Variants in CDH23 observed in about 807,000 individuals in gnomAD.
The protein encoded by CDH23 is cadherin related 23.
CDH23 carries 189 observed loss-of-function variants against 317.1 expected under a neutral mutation model. The ratio of observed to expected loss-of-function variants is 0.60; its 90% CI spans 0.53 to 0.67. The LOEUF (loss-of-function observed/expected upper bound fraction) is 0.67. CDH23 is among the 30% of genes least tolerant of loss of function. The pLI is 0.00. For synonymous variants in CDH23, 1,839 were observed against 1,876.8 expected, an observed-to-expected ratio of 0.98 and a Z score of 0.52; for missense variants, 4,401 against 4,592.4, an observed-to-expected ratio of 0.96 and a Z score of 1.20.
In CDH23 at chr10:71,802,843, G is replaced by A. The variant is rs7920100; in HGVS notation, c.7483-55G>A. 2,714 of 1,593,830 alleles carry A rather than the reference G, an allele frequency of 1.7e-3. 45 individuals carry two copies. In the African/African-American group the frequency reaches 0.032, roughly 19 times the overall value. On this transcript the variant is annotated intron_variant, in intron 53 of 69. Coordinates refer to ENST00000224721, the MANE Select transcript of CDH23 (RefSeq NM_022124.6). ...GGCTTACTCCTGCATGACCAGGTCC[G>A]CTGAGGCTGCCCCATCCTGCTCCTT...
intron 9 of CDH23, among the ~76,000 whole-genome samples, chr10:71,586,752 G>A (rs142755662): frequency 1.7e-4 from 26 of 152,218 alleles, no homozygotes; most frequent in African/African-American, 6.3e-4. Flanking sequence ...GCATATATGT[G>A]GATGACATAT....
At position 71,609,997 on chromosome 10, in the gene CDH23, A is replaced by T. The variant is rs7075264; in HGVS notation, c.833-5507A>T. On this transcript the variant is annotated intron_variant, in intron 9 of 69. Coordinates refer to ENST00000224721, the MANE Select transcript of CDH23 (RefSeq NM_022124.6). The stretch of plus-strand genomic sequence containing the variant: ...GTGTGTGTGTGTGTGTGTGTGTGTG[A>T]GAGAGACAGAGAGACGAGAGAGAGA... Among the ~76,000 whole-genome samples the T allele has an allele frequency of 3.5e-3, 478 of 134,792 alleles. 1 individual carries two copies. The highest frequency in any genetic ancestry group is 0.011 in the Middle Eastern group (3 of 272). The allele number at this position is 134,792 out of a possible 152,430, so 88.4% of individuals were successfully genotyped here.
intron 18 of CDH23, among the ~76,000 whole-genome samples, chr10:71,684,604 A>G (rs1225899963): frequency 2.6e-5 from 4 of 152,212 alleles, no homozygotes; most frequent in Non-Finnish European, 4.4e-5. Flanking sequence ...TACCTGCCTC[A>G]TGATATTTTT....
intron 27 of CDH23, among the ~76,000 whole-genome samples, chr10:71,709,968 TAGAA>T (rs1865915857): frequency 6.6e-6 from 1 of 152,000 alleles, no homozygotes; most frequent in African/African-American, 2.4e-5. Context: ...GACGCAAAAG[TAGAA>T]ACCCCTGATA....
At chr10:71,724,000 G>A (rs2132799791) in intron 28 of CDH23, 45 bp from the exon 29 acceptor site, 2 of 1,548,638 alleles carry the variant, frequency 1.3e-6, no homozygotes, top group East Asian at 4.9e-5. Context: ...TTCTCTCCCT[G>A]CTGGGTGGCA....
intron 18 of CDH23, among the ~76,000 whole-genome samples, 174 bp from the exon 19 acceptor site, chr10:71,687,473 C>A (rs1864954598): frequency 6.6e-6 from 1 of 152,142 alleles, no homozygotes; most frequent in African/African-American, 2.4e-5. Context: ...CTGTAGCCTG[C>A]CAGAGGGTTA....
intron 41 of CDH23, among the ~76,000 whole-genome samples, chr10:71,783,845 C>T (rs1001796128): frequency 2.0e-5 from 3 of 152,232 alleles, no homozygotes; most frequent in African/African-American, 7.2e-5. Context: ...TCTGCCCTTC[C>T]CAATATCCTT....
At chr10:71,575,048 G>A (rs1858088622) in intron 8 of CDH23, among the ~76,000 whole-genome samples, 1 of 152,262 alleles carries the variant, frequency 6.6e-6, no homozygotes, top group African/African-American at 2.4e-5. Context: ...AAGAGAGAGA[G>A]GGGGAACCTT....
At chr10:71,532,704 TGTTTTTG>T (rs1855448064) in intron 6 of CDH23, among the ~76,000 whole-genome samples, 2 of 80,262 alleles carry the variant, frequency 2.5e-5, no homozygotes, top group African/African-American at 9.3e-5. Context: ...AGTTTTCTTT[TGTTTTTG>T]TTTTTTTTTT....
At chr10:71,524,921 T>A (rs1176665595) in intron 6 of CDH23, among the ~76,000 whole-genome samples, 1 of 152,202 alleles carries the variant, frequency 6.6e-6, no homozygotes, top group Non-Finnish European at 1.5e-5. Context: ...ATTTTATTAT[T>A]TACTTATTTT....
intron 3 of CDH23, among the ~76,000 whole-genome samples, chr10:71,456,504 A>G (rs1040239444): frequency 7.0e-6 from 1 of 142,588 alleles, no homozygotes; most frequent in Non-Finnish European, 1.5e-5. Context: ...AGCCCCGGCT[A>G]TGGACTGCCC....
chr10:71,689,015 AGTCAGGGGTGGTGGAGTCAGG>A (rs1463486566), intron 19 of CDH23, among the ~76,000 whole-genome samples: 6 of 118,682 alleles, frequency 5.1e-5, no homozygotes, highest in East Asian at 2.7e-4. Context: ...GGGGTGGTGG[AGTCAGGGGTGGTGGAGTCAGG>A]GGTGGTGGAG....
rs118014689 is a variant in CDH23 at position 71,496,087 on chromosome 10, C to G, written c.146-13995C>G. 6.6e-4 allele frequency among the ~76,000 whole-genome samples: 100 copies of G among 152,320 alleles called. 1 individual carries two copies. The highest frequency in any genetic ancestry group is 1.3e-3 in the Non-Finnish European group (90 of 68,030). On this transcript the variant is annotated intron_variant, in intron 3 of 69. Coordinates refer to ENST00000224721, the MANE Select transcript of CDH23 (RefSeq NM_022124.6). ...ACTGCTCTAACCGGGTGGTTCTTAA[C>G]TTGGCTGTACGTGGGAATCATTTGA...
chr10:71,762,153 C>T, intron 38 of CDH23: 1 of 1,093,632 alleles, frequency 9.1e-7, no homozygotes, highest in Non-Finnish European at 1.3e-6. Context: ...CAGCTGACCT[C>T]CCTAAGACTG....
chr10:71,433,953 G>T (rs753370564), intron 1 of CDH23, among the ~76,000 whole-genome samples: 1 of 151,670 alleles, frequency 6.6e-6, no homozygotes, highest in Non-Finnish European at 1.5e-5. Context: ...TTGAAAACTG[G>T]TTATTCATAT....
intron 62 of CDH23, among the ~76,000 whole-genome samples, 167 bp downstream of exon 62, chr10:71,810,736 G>C (rs896290078): frequency 6.6e-6 from 1 of 152,080 alleles, no homozygotes; most frequent in Non-Finnish European, 1.5e-5. Flanking sequence ...GCAGAGTTTG[G>C]GGGTATGAGC....
chr10:71,739,862 A>G, intron 36 of CDH23, 90 bp downstream of exon 36: 1 of 1,427,980 alleles, frequency 7.0e-7, no homozygotes, highest in Non-Finnish European at 9.4e-7. Flanking sequence ...CCTGTCCATC[A>G]GCACACTCTG....
chr10:71,498,711 G>C (rs115993509), intron 3 of CDH23, among the ~76,000 whole-genome samples: 216 of 152,340 alleles, frequency 1.4e-3, no homozygotes, highest in Admixed American at 5.0e-3. Context: ...TGACCTCTCT[G>C]TGATGCATTG....
intron 6 of CDH23, among the ~76,000 whole-genome samples, chr10:71,539,004 A>G (rs1476609113): frequency 2.0e-5 from 3 of 152,242 alleles, no homozygotes; most frequent in African/African-American, 7.2e-5. Flanking sequence ...CCCTGGGAAC[A>G]TGGCTCAGCC....
Sources: gnomAD v4.1 joint callset for allele counts (sites outside exome capture counted in the v4.1 genomes callset) on GRCh38, gnomAD v4.1.1 for gene constraint, MANE v1.5 for transcripts, NCBI Gene and HGNC (gene_info 2026-07-23, HGNC 2026-07-21) for gene names.